MGAT5: variants seen among roughly 807,000 people sequenced by gnomAD.
MGAT5 encodes the protein alpha-1,6-mannosylglycoprotein 6-beta-N-acetylglucosaminyltransferase A.
A neutral mutation model predicts 94.3 loss-of-function variants in MGAT5; 30 were observed. The ratio of observed to expected loss-of-function variants is 0.32; its 90% CI spans 0.24 to 0.43. The LOEUF is 0.43. Ranked by LOEUF, MGAT5 falls within the 20% of genes least tolerant of loss-of-function variation. The pLI, the probability that MGAT5 is intolerant of heterozygous loss-of-function variation, is 1.00. For synonymous variants in MGAT5, 310 were observed against 322.9 expected, an observed-to-expected ratio of 0.96 and a Z score of 0.43; for missense variants, 691 against 905.5, an observed-to-expected ratio of 0.76 and a Z score of 3.04.
intron 4 of MGAT5, among the ~76,000 whole-genome samples, chr2:134,333,299 T>C (rs567516217): frequency 6.5e-4 from 99 of 151,268 alleles, no homozygotes; most frequent in Non-Finnish European, 1.1e-3. Flanking sequence ...ATGGATGAAA[T>C]TGGAAATCAT....
At chr2:134,419,217 A>C (rs1220452976) in intron 12 of MGAT5, among the ~76,000 whole-genome samples, 1 of 152,140 alleles carries the variant, frequency 6.6e-6, no homozygotes, top group African/African-American at 2.4e-5. Flanking sequence ...TGGATATCTA[A>C]ATGTGGGTTT....
chr2:134,139,814 A>G (rs1686581485), intron 1 of MGAT5, among the ~76,000 whole-genome samples: 1 of 152,214 alleles, frequency 6.6e-6, no homozygotes, highest in Non-Finnish European at 1.5e-5. Context: ...AGAGGATGAC[A>G]TGCCATCCAC....
chr2:134,392,919 C>A, intron 10 of MGAT5, among the ~76,000 whole-genome samples: 1 of 152,138 alleles, frequency 6.6e-6, no homozygotes, highest in Non-Finnish European at 1.5e-5. Flanking sequence ...GATGGGTCTG[C>A]CCCACACCAC....
intron 1 of MGAT5, among the ~76,000 whole-genome samples, chr2:134,248,860 A>G (rs1682429530): frequency 6.6e-6 from 1 of 152,020 alleles, no homozygotes; most frequent in African/African-American, 2.4e-5. Context: ...GGGATGTTGG[A>G]TGGCCACCTG....
upstream of MGAT5, among the ~76,000 whole-genome samples, chr2:134,252,346 G>A (rs1387880482): frequency 6.6e-6 from 1 of 152,232 alleles, no homozygotes; most frequent in Admixed American, 6.5e-5. Flanking sequence ...TAGTGGGAGA[G>A]GGGTGTGATG....
chr2:134,393,170 G>A (rs886978125), intron 10 of MGAT5, among the ~76,000 whole-genome samples: 1 of 152,212 alleles, frequency 6.6e-6, no homozygotes, highest in African/African-American at 2.4e-5. Context: ...ACTTGCCGAA[G>A]TCCCATAAGA....
intron 1 of MGAT5, among the ~76,000 whole-genome samples, chr2:134,135,134 A>G (rs141466657): frequency 6.6e-6 from 1 of 152,244 alleles, no homozygotes; most frequent in African/African-American, 2.4e-5. Context: ...AATACATTAG[A>G]TTTGTCATAA....
chr2:134,305,207 C>T (rs1311508932), intron 2 of MGAT5, among the ~76,000 whole-genome samples: 1 of 152,142 alleles, frequency 6.6e-6, no homozygotes, highest in East Asian at 1.9e-4. Flanking sequence ...GAGACCACAA[C>T]CAAGCAACCA....
intron 1 of MGAT5, among the ~76,000 whole-genome samples, chr2:134,130,915 C>T (rs1274727950): frequency 6.6e-6 from 1 of 152,192 alleles, no homozygotes; most frequent in Non-Finnish European, 1.5e-5. Context: ...CAAAATGGAC[C>T]AATCAGCCCT....
At chr2:134,282,841 T>C (rs903214557) in intron 2 of MGAT5, among the ~76,000 whole-genome samples, 1 of 152,146 alleles carries the variant, frequency 6.6e-6, no homozygotes, top group African/African-American at 2.4e-5. Flanking sequence ...CCCATATTAT[T>C]GAGTGAGGGA....
chr2:134,360,384 A>AT (rs1436036915), intron 9 of MGAT5, among the ~76,000 whole-genome samples: 1 of 152,034 alleles, frequency 6.6e-6, no homozygotes, highest in East Asian at 1.9e-4. Context: ...GAATCATTTT[A>AT]TTTTTTACTA....
intron 1 of MGAT5, among the ~76,000 whole-genome samples, chr2:134,222,403 A>G (rs184150282): frequency 1.3e-5 from 2 of 152,310 alleles, no homozygotes; most frequent in Non-Finnish European, 2.9e-5. Flanking sequence ...CAATGTGTTT[A>G]CCCTCCTTAT....
intron 1 of MGAT5, among the ~76,000 whole-genome samples, chr2:134,269,567 G>C (rs1683903874): frequency 6.6e-6 from 1 of 152,186 alleles, no homozygotes; most frequent in Admixed American, 6.5e-5. Flanking sequence ...TTAGAGGAGA[G>C]AGTCTAAGCT....
chr2:134,169,982 C>T (rs548976480), intron 1 of MGAT5, among the ~76,000 whole-genome samples: 1 of 152,244 alleles, frequency 6.6e-6, no homozygotes, highest in Admixed American at 6.5e-5. Flanking sequence ...CTTACAGTTT[C>T]ATTACTGGTA....
chr2:134,374,964 T>C (rs1343116131), intron 10 of MGAT5, among the ~76,000 whole-genome samples: 1 of 152,190 alleles, frequency 6.6e-6, no homozygotes, highest in Non-Finnish European at 1.5e-5. Flanking sequence ...CTGCACTGGA[T>C]AAATCGAGAC....
chr2:134,350,272 A>G (rs985205848), intron 9 of MGAT5, among the ~76,000 whole-genome samples: 3 of 152,206 alleles, frequency 2.0e-5, no homozygotes, highest in Admixed American at 6.6e-5. Context: ...CATGGATGCT[A>G]TTTAGGGTAC....
At chr2:134,189,592 G>GTTTTTTTTTTTGTTGTTTTTTTTTTT (rs113582076) in intron 1 of MGAT5, among the ~76,000 whole-genome samples, 1 of 56,316 alleles carries the variant, frequency 1.8e-5, no homozygotes, top group African/African-American at 6.2e-5. Flanking sequence ...CATGGCTCTA[G>GTTTTTTTTTTTGTTGTTTTTTTTTTT]TTTTTTTTTG....
At chr2:134,425,448 T>G (rs1684525516) in intron 13 of MGAT5, among the ~76,000 whole-genome samples, 1 of 152,134 alleles carries the variant, frequency 6.6e-6, no homozygotes. Flanking sequence ...TCTTTCTTTT[T>G]AAGTGTTGAG....
rs369961323 is a variant in MGAT5, at chr2:134,168,395, CTT to C, written c.-143+48107_-143+48108del. ...TTGATTTTATTGTATTTGGGGGACA[CTT>C]TTCATGGAGACTTGATGAGAGGCCT... On this transcript the variant is annotated intron_variant, in intron 1 of 16. Coordinates refer to the MGAT5 transcript ENST00000409645. 9.4e-4 allele frequency among the ~76,000 whole-genome samples: 143 copies of C among 152,244 alleles called. 1 individual carries two copies. Among genetic ancestry groups the C allele is most frequent in the Middle Eastern group, 3.4e-3 (1 of 294 alleles).
Sources: allele counts gnomAD v4.1 joint callset (sites outside exome capture counted in the v4.1 genomes callset), GRCh38; gene constraint gnomAD v4.1.1; transcripts MANE v1.5; gene names NCBI Gene and HGNC (gene_info 2026-07-23, HGNC 2026-07-21).